The following KIAA1217 variants were observed in gnomAD, a reference collection of about 807,000 sequenced individuals.
The protein encoded by KIAA1217 is KIAA1217.
A neutral mutation model predicts 163.9 loss-of-function variants in KIAA1217; 88 were observed. The observed-to-expected ratio is 0.54, with a 90% CI of 0.45 to 0.64. KIAA1217 has a LOEUF of 0.64. Among genes scored for constraint, KIAA1217 ranks in the 30% least tolerant of loss-of-function variants. KIAA1217 has a pLI of 0.00. For missense variants in KIAA1217, 2,372 were observed against 2,475.0 expected, an observed-to-expected ratio of 0.96 and a Z score of 0.88; for synonymous variants, 903 against 923.1, an observed-to-expected ratio of 0.98 and a Z score of 0.39.
intron 1 of KIAA1217, among the ~76,000 whole-genome samples, chr10:23,778,244 G>A (rs10764425): frequency 0.33 from 49,960 of 152,012 alleles, 10,202 homozygotes; most frequent in African/African-American, 0.58. Flanking sequence ...TCGGCAAACT[G>A]CAGATATTTT....
chr10:24,102,243 C>T (rs1001264241), intron 2 of KIAA1217, among the ~76,000 whole-genome samples: 5 of 152,062 alleles, frequency 3.3e-5, no homozygotes, highest in Admixed American at 2.0e-4. Context: ...TTCCTATATA[C>T]CAGCAATAAA....
intron 2 of KIAA1217, among the ~76,000 whole-genome samples, chr10:24,263,747 C>T (rs2075941418): frequency 6.6e-6 from 1 of 152,116 alleles, no homozygotes; most frequent in African/African-American, 2.4e-5. Flanking sequence ...TTACGAGATG[C>T]CTCTAACATT....
chr10:24,216,844 A>AG (rs1487372480), intron 1 of KIAA1217, among the ~76,000 whole-genome samples: 1 of 148,618 alleles, frequency 6.7e-6, no homozygotes, highest in African/African-American at 2.5e-5. Flanking sequence ...AAAAAAAAAA[A>AG]GGTAAAAAAT....
At chr10:24,339,508 T>A (rs1273040467) in intron 2 of KIAA1217, among the ~76,000 whole-genome samples, 1 of 152,226 alleles carries the variant, frequency 6.6e-6, no homozygotes, top group Non-Finnish European at 1.5e-5. Context: ...AATTACTAGG[T>A]TCAGAAGCCA....
At chr10:24,287,199 C>T (rs143204407) in intron 2 of KIAA1217, among the ~76,000 whole-genome samples, 121 of 152,192 alleles carry the variant, frequency 8.0e-4, no homozygotes, top group African/African-American at 2.9e-3. Flanking sequence ...TACAGGCATG[C>T]GCCACACGCC....
intron 2 of KIAA1217, among the ~76,000 whole-genome samples, chr10:24,220,754 CTTTTT>C (rs58991505): frequency 4.0e-5 from 3 of 74,218 alleles, no homozygotes; most frequent in East Asian, 8.3e-4. Flanking sequence ...GCACCCCGGC[CTTTTT>C]TTTTTTTTTT....
In KIAA1217 at chr10:24,274,216, C is replaced by A. The variant is rs1272530191; in HGVS notation, c.354+54307C>A. The stretch of plus-strand genomic sequence containing the variant: ...GAGAGTTGGTAGTAAGAAAATATTG[C>A]CATTGCTGGCCAGGCACAATGGCTC... On this transcript the variant is annotated intron_variant, in intron 2 of 20. Coordinates refer to ENST00000376454, the MANE Select transcript of KIAA1217 (RefSeq NM_019590.5). Among the ~76,000 whole-genome samples the A allele has an allele frequency of 2.6e-5, 4 of 152,148 alleles. No homozygotes were observed. In the East Asian group the frequency reaches 5.8e-4, roughly 22 times the overall value.
intron 2 of KIAA1217, among the ~76,000 whole-genome samples, chr10:24,079,428 G>C (rs576915475): frequency 6.6e-6 from 1 of 152,278 alleles, no homozygotes. Flanking sequence ...CTGGTACACT[G>C]TCTCTGTATA....
intron 2 of KIAA1217, among the ~76,000 whole-genome samples, chr10:24,253,248 G>T (rs1217787116): frequency 6.6e-6 from 1 of 152,170 alleles, no homozygotes; most frequent in African/African-American, 2.4e-5. Context: ...TGATAGAAGA[G>T]AGTTAGCTTT....
chr10:24,137,154 A>G (rs1176018329), intron 2 of KIAA1217, among the ~76,000 whole-genome samples: 16 of 152,244 alleles, frequency 1.1e-4, no homozygotes, highest in Non-Finnish European at 1.5e-5. Flanking sequence ...ATCCCTGTAC[A>G]AAAGTAAAAG....
Position 24,380,947 on chromosome 10 carries a change from G to T in KIAA1217, c.433G>T (p.Ala145Ser). 6.2e-7 allele frequency: 1 copy of T among 1,608,936 alleles called. No homozygotes were observed. The highest frequency in any genetic ancestry group is 8.5e-7 in the Non-Finnish European group (1 of 1,177,338). The change falls in exon 3 of 21, where the codon GCT becomes TCT. Residue 145 changes from alanine (A) to serine (S), a missense_variant. By Grantham distance (99) the Ala-to-Ser change is moderately conservative (BLOSUM62 1). Coordinates refer to ENST00000376454, the MANE Select transcript of KIAA1217 (RefSeq NM_019590.5). The part of the protein sequence containing the change: ...DPVEHLSETS[A>S]DSLEAMSEGD... Reference sequence around the variant, plus strand: ...GGTCGAGCATTTATCAGAGACGTCCGCTGATTCTTTGGAAGCCATGTCTGA... The same window carrying T: ...GGTCGAGCATTTATCAGAGACGTCCTCTGATTCTTTGGAAGCCATGTCTGA...
chr10:23,909,059 G>T (rs1006511401), intron 1 of KIAA1217, among the ~76,000 whole-genome samples: 6 of 152,142 alleles, frequency 3.9e-5, no homozygotes, highest in East Asian at 1.9e-4. Flanking sequence ...ACAGCAACCT[G>T]GCTGAGACTG....
intron 1 of KIAA1217, among the ~76,000 whole-genome samples, chr10:23,843,725 ATGGTTGACCTGTTC>A (rs1693850118): frequency 1.3e-5 from 2 of 152,156 alleles, no homozygotes; most frequent in Admixed American, 1.3e-4. Flanking sequence ...CAGGGTGATA[ATGGTTGACCTGTTC>A]CCTTGGCGAA....
chr10:24,213,871 T>C (rs558943023), intron 1 of KIAA1217, among the ~76,000 whole-genome samples: 5 of 152,134 alleles, frequency 3.3e-5, no homozygotes, highest in Non-Finnish European at 7.3e-5. Context: ...TTTGTATATA[T>C]ATTATGATAG....
chr10:24,028,334 A>G (rs1848048995), intron 2 of KIAA1217, among the ~76,000 whole-genome samples: 2 of 152,154 alleles, frequency 1.3e-5, no homozygotes, highest in Non-Finnish European at 2.9e-5. Flanking sequence ...TAATATATTC[A>G]TGCCATGCAC....
At chr10:24,384,691 A>G (rs1266813051) in intron 3 of KIAA1217, among the ~76,000 whole-genome samples, 2 of 151,088 alleles carry the variant, frequency 1.3e-5, no homozygotes, top group African/African-American at 2.4e-5. Flanking sequence ...GCCTGCCACC[A>G]TGCCTGGCTA....
chr10:24,154,177 T>C (rs1467209231), intron 2 of KIAA1217, among the ~76,000 whole-genome samples: 1 of 151,860 alleles, frequency 6.6e-6, no homozygotes, highest in Non-Finnish European at 1.5e-5. Flanking sequence ...CGGGATGGTC[T>C]CGATCTCCTG....
At chr10:24,343,133 G>A (rs1009175591) in intron 2 of KIAA1217, among the ~76,000 whole-genome samples, 2 of 151,894 alleles carry the variant, frequency 1.3e-5, no homozygotes, top group Non-Finnish European at 2.9e-5. Context: ...TGGATGGTCT[G>A]TTCATATATC....
At chr10:23,877,510 G>A (rs1840751257) in intron 1 of KIAA1217, 1 of 151,638 alleles carries the variant, frequency 6.6e-6, no homozygotes, top group Non-Finnish European at 1.5e-5. Context: ...GTGAGACAAC[G>A]TCATAATCAG....
Sources: allele counts gnomAD v4.1 joint callset (sites outside exome capture counted in the v4.1 genomes callset), GRCh38; gene constraint gnomAD v4.1.1; transcripts MANE v1.5; gene names NCBI Gene and HGNC (gene_info 2026-07-23, HGNC 2026-07-21).